The following WSCD1 variants were observed in gnomAD, a reference collection of about 807,000 sequenced individuals.
WSCD1 encodes WSC domain sialate O sulfotransferase 1.
WSCD1 carries 41 observed loss-of-function variants against 60.4 expected under a neutral mutation model. That is an observed-to-expected ratio of 0.68 (90% CI 0.53 to 0.88). The LOEUF is 0.88. Ranked by LOEUF, WSCD1 falls within the 40% of genes least tolerant of loss-of-function variation. The pLI, the probability that WSCD1 is intolerant of heterozygous loss-of-function variation, is 0.00. For synonymous variants in WSCD1, 361 were observed against 332.5 expected (o/e 1.09, Z -0.93); for missense variants, 784 against 796.2 (o/e 0.98, Z 0.18).
rs570930028 is a variant in WSCD1 at position 6,108,957 on chromosome 17, C to T, written c.850-650C>T. Among the ~76,000 whole-genome samples, 10 of 152,344 alleles carry T rather than the reference C, an allele frequency of 6.6e-5. No individual in the cohort carries two copies. The South Asian group carries it at 1.9e-3, about 28-fold the overall frequency. ...GGGAACAAAGTCTGTTCTTCTCCAC[C>T]CCTTCCATCTTTGGAAAGATGACTG... On this transcript the variant is annotated intron_variant, in intron 5 of 8. Transcript: ENST00000317744.
chr17:6,077,088 CTTTTTT>C (rs34145700), intron 1 of WSCD1, among the ~76,000 whole-genome samples: 4 of 122,432 alleles, frequency 3.3e-5, no homozygotes, highest in Admixed American at 2.5e-4. Flanking sequence ...GTTCCTGATG[CTTTTTT>C]TTTTTTTTTT....
chr17:6,118,273 T>A lies in WSCD1; in HGVS notation c.1375+85T>A. On this transcript the variant is annotated intron_variant, in intron 8 of 8. Coordinates refer to ENST00000317744, the MANE Select transcript of WSCD1 (RefSeq NM_015253.2). This position sits in a 1 kb window ranked among gnomAD's most constrained non-coding sequence, Gnocchi z 5.8. The stretch of plus-strand genomic sequence containing the variant: ...AGGATGCAGGATCAATTTACACAGG[T>A]AGGCACTGCAGGATGCAGGATCAGT... The A allele has an allele frequency of 2.8e-6, 4 of 1,409,148 alleles. No individual in the cohort carries two copies. Among genetic ancestry groups the A allele is most frequent in the Non-Finnish European group, 3.9e-6 (4 of 1,025,008 alleles). 87.3% of individuals were successfully genotyped at this position (1,409,148 alleles called of 1,614,324 possible). A position where few individuals can be genotyped will look rare whatever the true frequency, so the allele number is the denominator to read the frequency against.
At chr17:6,086,285 T>TATATATATA (rs1909645721) in intron 2 of WSCD1, among the ~76,000 whole-genome samples, 1 of 91,872 alleles carries the variant, frequency 1.1e-5, no homozygotes, top group Non-Finnish European at 2.3e-5. Context: ...ACTTATGTAC[T>TATATATATA]TCATGCATTA....
intron 2 of WSCD1, among the ~76,000 whole-genome samples, chr17:6,081,719 A>C (rs925053501): frequency 6.6e-6 from 1 of 152,108 alleles, no homozygotes; most frequent in African/African-American, 2.4e-5. Context: ...AAAAGAAAAA[A>C]AAAAAATTAG....
Position 6,118,113 on chromosome 17 carries a change from T to A in WSCD1, c.1300T>A (p.Ser434Thr). ...CCTGCTAATCCGGAACCCATACAGGTCCCTGGTGGCAGAATTCAACAGAAA... is the reference window on the plus strand; with the variant it reads ...CCTGCTAATCCGGAACCCATACAGGACCCTGGTGGCAGAATTCAACAGAAA... ...AILLIRNPYR[S>T]LVAEFNRKCA... Residue 434 changes from serine (S) to threonine (T), a missense_variant, in exon 8 of 9, where the codon TCC becomes ACC. Coordinates refer to ENST00000317744, the MANE Select transcript of WSCD1 (RefSeq NM_015253.2). This position sits in a 1 kb window ranked among gnomAD's most constrained non-coding sequence, Gnocchi z 5.8. 6.2e-7 allele frequency: 1 copy of A among 1,613,962 alleles called. No individual in the cohort carries two copies. The highest frequency in any genetic ancestry group is 1.1e-5 in the South Asian group (1 of 91,070).
intron 7 of WSCD1, among the ~76,000 whole-genome samples, chr17:6,113,172 A>G (rs1324303942): frequency 6.6e-6 from 1 of 152,232 alleles, no homozygotes; most frequent in Admixed American, 6.5e-5. Flanking sequence ...TTTTTGACAA[A>G]GATGCCAAGA....
chr17:6,091,607 A>G (rs1012706543), intron 4 of WSCD1, among the ~76,000 whole-genome samples: 2 of 152,212 alleles, frequency 1.3e-5, no homozygotes. Flanking sequence ...TAATCACAGA[A>G]GGCTCCTTTG....
Position 6,088,040 on chromosome 17 carries a change from G to A in WSCD1, c.478G>A (p.Gly160Arg), listed in dbSNP as rs2150540930. 6.2e-7 allele frequency: 1 copy of A among 1,614,220 alleles called. No homozygotes were observed. The highest frequency in any genetic ancestry group is 8.5e-7 in the Non-Finnish European group (1 of 1,180,032). Residue 160 changes from glycine to arginine, a missense_variant, in exon 3 of 9, where the codon GGA (glycine) becomes AGA (arginine). Gly to Arg is a moderately radical substitution (Grantham distance 125, BLOSUM62 -2). Coordinates refer to ENST00000317744, the MANE Select transcript of WSCD1 (RefSeq NM_015253.2). ...CGATGGCCACGAGAGGACTCTGAAA[G>A]GAGCTGTGTTTTATGACTTGAGAAA... ...SDDGHERTLK[G>R]AVFYDLRKMT...
intron 2 of WSCD1, among the ~76,000 whole-genome samples, chr17:6,087,294 T>C (rs1909719915): frequency 6.6e-6 from 1 of 152,148 alleles, no homozygotes; most frequent in Admixed American, 6.5e-5. Flanking sequence ...GGCTGGCTTC[T>C]CACTGCAGCA....
In WSCD1 at chr17:6,080,289, C is replaced by T. The variant is rs756529040; in HGVS notation, c.-288-82C>T. The T allele has an allele frequency of 7.3e-5, 20 of 272,292 alleles. No homozygotes were observed. Among genetic ancestry groups the T allele is most frequent in the Non-Finnish European group, 1.3e-4 (19 of 144,404 alleles). The allele number at this position is 272,292 out of a possible 1,614,324, so 16.9% of individuals were successfully genotyped here. On this transcript the variant is annotated intron_variant, in intron 1 of 8. Coordinates refer to ENST00000317744, the MANE Select transcript of WSCD1 (RefSeq NM_015253.2). This position sits in a 1 kb window ranked among gnomAD's most constrained non-coding sequence, Gnocchi z 6.6. ...AGCTGGTCCTTGGATAAAGCAAGCACAGGGTGAGGGGTGTCCCAGCCTGGG... is the reference window on the plus strand; with the variant it reads ...AGCTGGTCCTTGGATAAAGCAAGCATAGGGTGAGGGGTGTCCCAGCCTGGG...
At chr17:6,072,772 A>G (rs769949456) in intron 1 of WSCD1, among the ~76,000 whole-genome samples, 5 of 152,108 alleles carry the variant, frequency 3.3e-5, no homozygotes, top group African/African-American at 4.8e-5. Flanking sequence ...TTCTTCCTTT[A>G]ATCTCTCCTC....
At position 6,080,535 on chromosome 17, in the gene WSCD1, G is replaced by A. The variant is rs1349644611; in HGVS notation, c.-124G>A. 25 of 1,003,642 alleles carry A rather than the reference G, an allele frequency of 2.5e-5. No homozygotes were observed. The South Asian group carries it at 3.2e-4, about 13-fold the overall frequency. The allele number at this position is 1,003,642 out of a possible 1,614,324, so 62.2% of individuals were successfully genotyped here. ...GCAGGAACAGTGAGTGACCCCAGGC[G>A]AGCACAGGCAGGTGCCAGGAGCCAG... On this transcript the variant is annotated 5_prime_UTR_variant, in exon 2 of 9. Transcript: ENST00000317744. The surrounding 1 kb of genome is among the most constrained non-coding windows in gnomAD (Gnocchi z 6.6).
intron 2 of WSCD1, among the ~76,000 whole-genome samples, chr17:6,085,357 A>G (rs904238406): frequency 2.6e-5 from 4 of 152,236 alleles, no homozygotes; most frequent in African/African-American, 9.6e-5. Context: ...CAATATATTA[A>G]CAGTAAAAAC....
In WSCD1 at chr17:6,075,094, T is replaced by A. The variant is rs4796306; in HGVS notation, c.-289+4442T>A. Among the ~76,000 whole-genome samples, 77,976 of 151,916 alleles carry A rather than the reference T, an allele frequency of 0.51. 20,359 individuals are homozygous for A. Among genetic ancestry groups the A allele is most frequent in the South Asian group, 0.58 (2,769 of 4,812 alleles). On this transcript the variant is annotated intron_variant, in intron 1 of 8. Coordinates refer to ENST00000317744, the MANE Select transcript of WSCD1 (RefSeq NM_015253.2). The surrounding 1 kb of genome is among the most constrained non-coding windows in gnomAD (Gnocchi z 4.1). Reference sequence around the variant, plus strand: ...AGGCTTCGAGCTTCTAGGACCCAGATGCCCATCACCTTGTCTAGAGAGCAA... The same window carrying A: ...AGGCTTCGAGCTTCTAGGACCCAGAAGCCCATCACCTTGTCTAGAGAGCAA...
intron 5 of WSCD1, among the ~76,000 whole-genome samples, chr17:6,099,281 C>G (rs377645145): frequency 6.0e-4 from 92 of 152,144 alleles, no homozygotes; most frequent in African/African-American, 2.2e-3. Flanking sequence ...CTTTGGGAGG[C>G]TGAGGTGGGC....
chr17:6,095,164 A>G lies in WSCD1; in HGVS notation c.790A>G (p.Ser264Gly). 6.2e-7 allele frequency: 1 copy of G among 1,613,766 alleles called. No homozygotes were observed. Among genetic ancestry groups the G allele is most frequent in the South Asian group, 1.1e-5 (1 of 90,956 alleles). ...LPENITHAFPSSLIQANVTVG... is the reference protein window; with the variant it reads ...LPENITHAFPGSLIQANVTVG... ...AGAGAACATCACACATGCCTTCCCC[A>G]GCTCCCTGATACAGGCCAATGTGAC... Residue 264 changes from serine (S) to glycine (G), a missense_variant, in exon 5 of 9, where the codon AGC (serine) becomes GGC (glycine). Coordinates refer to ENST00000317744, the MANE Select transcript of WSCD1 (RefSeq NM_015253.2).
chr17:6,075,756 G>A lies in WSCD1; in HGVS notation c.-288-4615G>A, dbSNP rs1469514232. On this transcript the variant is annotated intron_variant, in intron 1 of 8. Coordinates refer to ENST00000317744, the MANE Select transcript of WSCD1 (RefSeq NM_015253.2). The surrounding 1 kb of genome is among the most constrained non-coding windows in gnomAD (Gnocchi z 4.1). ...GCGTGCCCCCTCTACCCCCAATAAG[G>A]CCAAGCCCCAGGCAGGGATAGAACC... 1.3e-5 allele frequency among the ~76,000 whole-genome samples: 2 copies of A among 152,160 alleles called. No homozygotes were observed. The highest frequency in any genetic ancestry group is 2.1e-4 in the South Asian group (1 of 4,800).
At chr17:6,086,910 G>C in intron 2 of WSCD1, among the ~76,000 whole-genome samples, 1 of 152,180 alleles carries the variant, frequency 6.6e-6, no homozygotes. Flanking sequence ...GCAGGCTGCT[G>C]GGAGGTCCTG....
intron 2 of WSCD1, among the ~76,000 whole-genome samples, chr17:6,083,021 G>A (rs549570214): frequency 6.6e-5 from 10 of 152,238 alleles, no homozygotes; most frequent in African/African-American, 9.6e-5. Context: ...AGCAAGGCTC[G>A]TGTGTCAGAA....
Sources: allele counts gnomAD v4.1 joint callset (sites outside exome capture counted in the v4.1 genomes callset), GRCh38; gene constraint gnomAD v4.1.1; non-coding constraint Gnocchi (gnomAD v3.1); transcripts MANE v1.5; gene names NCBI Gene and HGNC (gene_info 2026-07-23, HGNC 2026-07-21).